Variants in STT3A observed in about 807,000 individuals in gnomAD.
The protein encoded by STT3A is STT3 oligosaccharyltransferase complex catalytic subunit A.
In STT3A, 34 loss-of-function variants were observed where a neutral mutation model predicts 89.2. The observed-to-expected ratio is 0.38, with a 90% CI of 0.29 to 0.51. The LOEUF is 0.51. Among genes scored for constraint, STT3A ranks in the 20% least tolerant of loss-of-function variants. The pLI, the probability that STT3A is intolerant of heterozygous loss-of-function variation, is 0.89. For missense variants in STT3A, 555 were observed against 889.5 expected, an observed-to-expected ratio of 0.62 and a Z score of 4.78; for synonymous variants, 282 against 310.3, an observed-to-expected ratio of 0.91 and a Z score of 0.96.
In STT3A at chr11:125,606,327, C is replaced by T. The variant is rs1252860530; in HGVS notation, c.642C>T (p.Phe214=). The T allele has an allele frequency of 1.9e-6, 3 of 1,613,858 alleles. No individual in the cohort carries two copies. Among genetic ancestry groups the T allele is most frequent in the African/African-American group, 1.3e-5 (1 of 74,984 alleles). ...YMVSSWGGYV[F]LINLIPLHVL... ...TCTCGTCATGGGGAGGTTATGTGTT[C>T]CTGATCAACTTAATTCCTCTCCACG... The change falls in exon 8 of 18, where the codon TTC becomes TTT. Residue 214 remains phenylalanine (F), a synonymous_variant. Transcript: ENST00000392708.
At position 125,615,913 on chromosome 11, in the gene STT3A, C is replaced by T. The variant is rs542373549; in HGVS notation, c.1774+1487C>T. On this transcript the variant is annotated intron_variant, in intron 15 of 17. Transcript: ENST00000392708. ...AATTAGCCACATGTGGTGGCACATA[C>T]TTGTAATCTCAGCTACTTGGGAGGC... is the stretch of plus-strand genomic sequence containing the variant. 4.6e-3 allele frequency among the ~76,000 whole-genome samples: 697 copies of T among 152,298 alleles called. 2 individuals are homozygous for T. Among genetic ancestry groups the T allele is most frequent in the Middle Eastern group, 0.024 (7 of 294 alleles).
In STT3A at chr11:125,614,497, T is replaced by C; in HGVS notation, c.1774+71T>C. ...GAAAACTAGATGAATATCCTAGTTT[T>C]CTGTACTTTTACTAATATTTTACTA... is the stretch of plus-strand genomic sequence containing the variant. On this transcript the variant is annotated intron_variant, in intron 15 of 17. Coordinates refer to ENST00000392708, the MANE Select transcript of STT3A (RefSeq NM_152713.5). The surrounding 1 kb of genome is among the most constrained non-coding windows in gnomAD (Gnocchi z 4.9). The C allele has an allele frequency of 7.1e-7, 1 of 1,410,040 alleles. No individual in the cohort carries two copies. The allele number at this position is 1,410,040 out of a possible 1,614,324, so 87.3% of individuals were successfully genotyped here.
rs1347585355 is a variant in STT3A, at chr11:125,614,453, T to G, written c.1774+27T>G. 1 of 1,592,766 alleles carries G rather than the reference T, an allele frequency of 6.3e-7. No homozygotes were observed. Among genetic ancestry groups the G allele is most frequent in the South Asian group, 1.1e-5 (1 of 90,164 alleles). ...TAATATACTTGATTCTGTTTCTAGCTGCAGGACATAGATTCTAAGAAAACT... is the reference window on the plus strand; with the variant it reads ...TAATATACTTGATTCTGTTTCTAGCGGCAGGACATAGATTCTAAGAAAACT... On this transcript the variant is annotated intron_variant, in intron 15 of 17. Coordinates refer to ENST00000392708, the MANE Select transcript of STT3A (RefSeq NM_152713.5). This position sits in a 1 kb window ranked among gnomAD's most constrained non-coding sequence, Gnocchi z 4.9.
At chr11:125,596,785 A>G (rs900777639) in intron 2 of STT3A, among the ~76,000 whole-genome samples, 1 of 152,122 alleles carries the variant, frequency 6.6e-6, no homozygotes, top group Non-Finnish European at 1.5e-5. Context: ...ATGTAAGTTG[A>G]GTTTGGTATT....
chr11:125,616,844 A>G (rs923156239), intron 15 of STT3A, among the ~76,000 whole-genome samples: 1 of 152,086 alleles, frequency 6.6e-6, no homozygotes, highest in Non-Finnish European at 1.5e-5. Flanking sequence ...TGCCCGGCCA[A>G]TTTTTATACT....
At chr11:125,602,641 C>G (rs896984236) in intron 4 of STT3A, 162 bp from the exon 5 acceptor site, 4 of 1,110,330 alleles carry the variant, frequency 3.6e-6, no homozygotes, top group Non-Finnish European at 5.1e-6. Context: ...CTGATTGAAT[C>G]CTTAGGGGAG....
At chr11:125,611,963 C>A (rs150169892) in intron 11 of STT3A, among the ~76,000 whole-genome samples, 1 of 143,928 alleles carries the variant, frequency 6.9e-6, no homozygotes, top group African/African-American at 2.5e-5. Context: ...CCACAACTGC[C>A]GCCTGCTGGG....
intron 10 of STT3A, among the ~76,000 whole-genome samples, chr11:125,610,198 G>T (rs1939963293): frequency 6.6e-6 from 1 of 151,752 alleles, no homozygotes; most frequent in African/African-American, 2.4e-5. Flanking sequence ...GAGTAGCTGG[G>T]ACTACAGGTG....
chr11:125,618,263 G>T lies in STT3A; in HGVS notation c.1775-110G>T, dbSNP rs1043005568. ...CTATTTTTACAAATTAGAGTTAAATGATACCAATCCCCATTAAAAAAATGT... is the reference window on the plus strand; with the variant it reads ...CTATTTTTACAAATTAGAGTTAAATTATACCAATCCCCATTAAAAAAATGT... On this transcript the variant is annotated intron_variant, in intron 15 of 17. Coordinates refer to ENST00000392708, the MANE Select transcript of STT3A (RefSeq NM_152713.5). The T allele has an allele frequency of 4.0e-6, 4 of 1,007,958 alleles. No homozygotes were observed. The African/African-American group carries it at 6.6e-5, about 17-fold the overall frequency. 62.4% of individuals were successfully genotyped at this position (1,007,958 alleles called of 1,614,324 possible).
Position 125,605,618 on chromosome 11 carries a change from C to T in STT3A, c.509-11C>T, listed in dbSNP as rs752010154. 8 of 1,609,188 alleles carry T rather than the reference C, an allele frequency of 5.0e-6. No individual in the cohort carries two copies. The highest frequency in any genetic ancestry group is 1.7e-5 in the Admixed American group (1 of 59,692). On this transcript the variant is annotated splice_polypyrimidine_tract_variant and intron_variant, in intron 6 of 17. Transcript: ENST00000392708. ...GCCTCTTGTTGAATTTTTGGTGTGT[C>T]CTTTCTGCAGGGATTGCCATCTTTT...
chr11:125,597,736 A>C (rs913950718), intron 3 of STT3A, among the ~76,000 whole-genome samples: 1 of 152,238 alleles, frequency 6.6e-6, no homozygotes, highest in Non-Finnish European at 1.5e-5. Context: ...GAAAAAACTC[A>C]AAGTTATCAG....
intron 15 of STT3A, among the ~76,000 whole-genome samples, chr11:125,615,490 A>G (rs1266403525): frequency 6.6e-6 from 1 of 152,002 alleles, no homozygotes; most frequent in Non-Finnish European, 1.5e-5. Context: ...AATATTTGTG[A>G]AAAAAAATCA....
chr11:125,619,348 C>A (rs1940278457), intron 16 of STT3A, among the ~76,000 whole-genome samples: 1 of 152,114 alleles, frequency 6.6e-6, no homozygotes, highest in South Asian at 2.1e-4. Flanking sequence ...GCATGAGCCA[C>A]CGCACCCAGC....
In STT3A at chr11:125,602,833, A is replaced by G. The variant is rs754998294; in HGVS notation, c.302A>G (p.His101Arg). 8 of 1,613,932 alleles carry G rather than the reference A, an allele frequency of 5.0e-6. No individual in the cohort carries two copies. The highest frequency in any genetic ancestry group is 2.2e-5 in the South Asian group (2 of 91,088). ...GLMITSAAIY[H>R]VLHFFHITID... is the part of the protein sequence containing the mutation. ...ATGATCACCTCTGCTGCAATCTACC[A>G]TGTACTCCATTTTTTCCACATCACC... Residue 101 changes from histidine to arginine, a missense_variant, in exon 5 of 18, where the codon CAT (histidine) becomes CGT (arginine). By Grantham distance (29) the His-to-Arg change is conservative. Coordinates refer to ENST00000392708, the MANE Select transcript of STT3A (RefSeq NM_152713.5).
intron 3 of STT3A, among the ~76,000 whole-genome samples, chr11:125,597,420 A>AC (rs1197501983): frequency 6.6e-5 from 3 of 45,652 alleles, no homozygotes; most frequent in East Asian, 6.5e-4. Context: ...CCCCATCTCT[A>AC]CAAAAAAAAA....
At position 125,620,778 on chromosome 11, in the gene STT3A, G is replaced by C. The variant is rs1243944101; in HGVS notation, c.2086G>C (p.Asp696His). The C allele has an allele frequency of 6.2e-7, 1 of 1,613,832 alleles. No individual in the cohort carries two copies. Among genetic ancestry groups the C allele is most frequent in the Non-Finnish European group, 8.5e-7 (1 of 1,179,896 alleles). The change falls in exon 18 of 18, where the codon GAC (aspartate) becomes CAC (histidine). Residue 696 changes from aspartate to histidine, a missense_variant. By Grantham distance (81) the Asp-to-His change is moderately conservative. This residue lies in a region of STT3A where 273 missense variants were observed against 449.8 expected (regional missense o/e 0.61). Transcript: ENST00000392708. The part of the protein sequence containing the change: ...HWLVRIYKVK[D>H]LDNRGLSRT ...TGACATCTTTATGTTGCAGGTAAAG[G>C]ACCTGGATAATCGAGGCTTGTCAAG...
chr11:125,605,374 A>G (rs921516157), intron 6 of STT3A, among the ~76,000 whole-genome samples: 1 of 152,198 alleles, frequency 6.6e-6, no homozygotes, highest in African/African-American at 2.4e-5. Flanking sequence ...GCCAATATTT[A>G]CTTAATGTTT....
intron 11 of STT3A, among the ~76,000 whole-genome samples, chr11:125,611,720 G>C (rs1940022393): frequency 6.6e-6 from 1 of 151,990 alleles, no homozygotes. Flanking sequence ...CAACTTTCTT[G>C]GATTCGTAAC....
At position 125,602,834 on chromosome 11, in the gene STT3A, T is replaced by C. The variant is rs780966338; in HGVS notation, c.303T>C (p.His101=). ...TGATCACCTCTGCTGCAATCTACCA[T>C]GTACTCCATTTTTTCCACATCACCA... ...GLMITSAAIY[H]VLHFFHITID... is the part of the protein sequence containing the mutation. Residue 101 remains histidine (H), a synonymous_variant, in exon 5 of 18, where the codon CAT becomes CAC. Transcript: ENST00000392708. 1.2e-5 allele frequency: 20 copies of C among 1,614,090 alleles called. No individual in the cohort carries two copies. The East Asian group carries it at 3.1e-4, about 25-fold the overall frequency.
Sources: gnomAD v4.1 joint callset for allele counts (sites outside exome capture counted in the v4.1 genomes callset) on GRCh38, gnomAD v4.1.1 for gene constraint, gnomAD v4.1.1 regional missense constraint, Gnocchi (gnomAD v3.1) non-coding constraint, MANE v1.5 for transcripts, NCBI Gene and HGNC (gene_info 2026-07-23, HGNC 2026-07-21) for gene names.